The following BTAF1 variants were observed in gnomAD, a reference collection of about 807,000 sequenced individuals.
The protein encoded by BTAF1 is B-TFIID TATA-box binding protein associated factor 1, also known as TATA-binding protein-associated factor 172.
Under a neutral mutation model 227.1 loss-of-function variants are expected in BTAF1, and 38 were observed. That is an observed-to-expected ratio of 0.17 (90% CI 0.13 to 0.22). The LOEUF is 0.22. Ranked by LOEUF, BTAF1 falls within the 10% of genes least tolerant of loss-of-function variation. BTAF1 has a pLI of 1.00. For synonymous variants in BTAF1, 742 were observed against 751.9 expected, an observed-to-expected ratio of 0.99 and a Z score of 0.21; for missense variants, 1,598 against 2,204.0, an observed-to-expected ratio of 0.73 and a Z score of 5.51.
At chr10:91,993,959 C>T in intron 22 of BTAF1, 112 bp downstream of exon 22, 3 of 788,330 alleles carry the variant, frequency 3.8e-6, no homozygotes, top group Non-Finnish European at 5.3e-6. Context: ...TATTCCAGAC[C>T]AGCTGGTAAG....
chr10:91,984,189 G>C lies in BTAF1; in HGVS notation c.2224-12G>C, dbSNP rs1055468995. 6.2e-7 allele frequency: 1 copy of C among 1,610,908 alleles called. No homozygotes were observed. Among genetic ancestry groups the C allele is most frequent in the African/African-American group, 1.3e-5 (1 of 74,914 alleles). On this transcript the variant is annotated splice_polypyrimidine_tract_variant and intron_variant, in intron 18 of 37. Coordinates refer to ENST00000265990, the MANE Select transcript of BTAF1 (RefSeq NM_003972.3). ...CATACAGTTACCCTATTTGTTTTCT[G>C]TTGTATTTTAGGAGTGTAAAGCTGT...
chr10:91,933,519 G>GA (rs1428803184), intron 1 of BTAF1, among the ~76,000 whole-genome samples: 1 of 152,206 alleles, frequency 6.6e-6, no homozygotes, highest in African/African-American at 2.4e-5. Flanking sequence ...ACTAAGGAAA[G>GA]AAGAGTTTGG....
At chr10:91,934,301 C>T (rs1370127882) in intron 1 of BTAF1, among the ~76,000 whole-genome samples, 1 of 151,876 alleles carries the variant, frequency 6.6e-6, no homozygotes, top group African/African-American at 2.4e-5. Context: ...GTGGTACAAT[C>T]TCAGCTCATT....
In BTAF1 at chr10:92,008,337, T is replaced by TGG. The variant is rs113804327; in HGVS notation, c.3813+69_3813+70dup. On this transcript the variant is annotated intron_variant, in intron 26 of 37. Coordinates refer to ENST00000265990, the MANE Select transcript of BTAF1 (RefSeq NM_003972.3). Reference sequence around the variant, plus strand: ...GAACCTTGAAGCGTTGTGGGTTTGTTGGGGGGGGCTTTTGTTTCTTTTTTG... The same window carrying TGG: ...GAACCTTGAAGCGTTGTGGGTTTGTTGGGGGGGGGGCTTTTGTTTCTTTTTTG... The TGG allele has an allele frequency of 1.0e-3, 1,406 of 1,362,588 alleles. 14 individuals carry two copies. In the African/African-American group the frequency reaches 0.017, roughly 17 times the overall value. 84.4% of individuals were successfully genotyped at this position (1,362,588 alleles called of 1,614,324 possible).
Position 91,994,594 on chromosome 10 carries a change from C to A in BTAF1, c.3259C>A (p.Gln1087Lys). The A allele has an allele frequency of 1.2e-6, 2 of 1,614,038 alleles. No homozygotes were observed. The highest frequency in any genetic ancestry group is 1.7e-6 in the Non-Finnish European group (2 of 1,179,930). Residue 1087 changes from glutamine to lysine, a missense_variant, in exon 23 of 38, where the codon CAG (glutamine) becomes AAG (lysine). Physicochemically the swap from Gln to Lys is moderately conservative, Grantham distance 53. Transcript: ENST00000265990. ...SPAQELVNSL[Q>K]VFETAAASMD... is the part of the protein sequence containing the mutation. The stretch of plus-strand genomic sequence containing the variant: ...TGCTCAAGAATTGGTGAATTCTCTG[C>A]AGGTTTTTGAAACAGCAGCAGCTTC...
intron 3 of BTAF1, among the ~76,000 whole-genome samples, chr10:91,941,343 A>G (rs1589761211): frequency 6.6e-6 from 1 of 152,372 alleles, no homozygotes; most frequent in East Asian, 1.9e-4. Context: ...TCATCACTAG[A>G]AAACTTAAAA....
chr10:92,001,975 T>C (rs1564709014), intron 25 of BTAF1, among the ~76,000 whole-genome samples: 1 of 59,320 alleles, frequency 1.7e-5, no homozygotes, highest in Non-Finnish European at 5.0e-5. Context: ...AAACCATATA[T>C]ATATATATAT....
At chr10:91,974,169 T>G (rs1036937640) in intron 14 of BTAF1, among the ~76,000 whole-genome samples, 1 of 152,236 alleles carries the variant, frequency 6.6e-6, no homozygotes, top group Non-Finnish European at 1.5e-5. Flanking sequence ...AAGTAATTTT[T>G]CAAGGTCAGA....
intron 4 of BTAF1, among the ~76,000 whole-genome samples, chr10:91,948,474 T>G (rs906987754): frequency 1.3e-5 from 2 of 151,708 alleles, no homozygotes; most frequent in African/African-American, 4.8e-5. Context: ...AGTGCACCCT[T>G]GAACTCCTGG....
At chr10:91,981,975 A>G in intron 16 of BTAF1, 108 bp from the exon 17 acceptor site, 4 of 1,406,818 alleles carry the variant, frequency 2.8e-6, no homozygotes, top group Middle Eastern at 2.2e-4. Context: ...AATTTTGTGA[A>G]AAGAACTGTA....
intron 14 of BTAF1, among the ~76,000 whole-genome samples, chr10:91,967,840 A>G (rs1264299429): frequency 2.6e-5 from 4 of 152,114 alleles, no homozygotes; most frequent in Non-Finnish European, 5.9e-5. Context: ...GAAGTTACCA[A>G]ATTTTTTATC....
At chr10:91,935,807 A>G (rs1159338745) in intron 2 of BTAF1, 27 bp downstream of exon 2, 16 of 1,568,148 alleles carry the variant, frequency 1.0e-5, no homozygotes, top group East Asian at 4.5e-5. Context: ...TTCTTTTAGC[A>G]TAATACAATT....
intron 25 of BTAF1, among the ~76,000 whole-genome samples, chr10:92,000,780 C>CT (rs1849471050): frequency 6.6e-6 from 1 of 152,176 alleles, no homozygotes. Flanking sequence ...TCTCGAACTG[C>CT]TGGCCTTAGG....
chr10:91,959,738 GTGTATATATATATATATA>G (rs1239571476), intron 9 of BTAF1, 29 bp from the exon 10 acceptor site: 3 of 371,128 alleles, frequency 8.1e-6, no homozygotes, highest in African/African-American at 3.8e-5. Flanking sequence ...GTGTGTGTGT[GTGTATATATATATATATA>G]TATATATATA....
Position 91,942,404 on chromosome 10 carries a change from T to C in BTAF1, c.254-18T>C. On this transcript the variant is annotated intron_variant, in intron 3 of 37. Transcript: ENST00000265990. ...CTTTGGCTATATGGTCAAATTAATA[T>C]TTTTAAACCTCATGTAGAACCTACT... 6.2e-7 allele frequency: 1 copy of C among 1,609,102 alleles called. No individual in the cohort carries two copies. Among genetic ancestry groups the C allele is most frequent in the South Asian group, 1.1e-5 (1 of 90,828 alleles).
At chr10:91,936,644 T>C (rs748093978) in intron 2 of BTAF1, among the ~76,000 whole-genome samples, 1 of 152,202 alleles carries the variant, frequency 6.6e-6, no homozygotes, top group Non-Finnish European at 1.5e-5. Flanking sequence ...AGGATGTAGA[T>C]GGAGAGACAG....
intron 19 of BTAF1, among the ~76,000 whole-genome samples, chr10:91,985,299 A>G (rs1199289656): frequency 1.3e-5 from 2 of 151,888 alleles, no homozygotes; most frequent in African/African-American, 4.8e-5. Context: ...TCTGTGTTAT[A>G]TATATATATA....
chr10:91,938,997 G>A (rs907846173), intron 2 of BTAF1, among the ~76,000 whole-genome samples: 2 of 147,670 alleles, frequency 1.4e-5, no homozygotes, highest in Admixed American at 1.3e-4. Context: ...AAAGGGGGGG[G>A]GGATTTTGAT....
intron 34 of BTAF1, among the ~76,000 whole-genome samples, chr10:92,019,239 A>T (rs535515801): frequency 6.6e-6 from 1 of 152,222 alleles, no homozygotes; most frequent in Non-Finnish European, 1.5e-5. Flanking sequence ...TCAAGCAATA[A>T]TTCTTCATTC....
Sources: gnomAD v4.1 joint callset for allele counts (sites outside exome capture counted in the v4.1 genomes callset) on GRCh38, gnomAD v4.1.1 for gene constraint, MANE v1.5 for transcripts, NCBI Gene and HGNC (gene_info 2026-07-23, HGNC 2026-07-21) for gene names.